Variants in ODAD1 observed in about 807,000 individuals in gnomAD.
ODAD1 encodes outer dynein arm docking complex subunit 1.
Under a neutral mutation model 67.2 loss-of-function variants are expected in ODAD1, and 49 were observed. That is an observed-to-expected ratio of 0.73 (90% CI 0.58 to 0.92). The LOEUF is 0.92. Among genes scored for constraint, ODAD1 ranks in the 40% least tolerant of loss-of-function variants. The pLI, the probability that ODAD1 is intolerant of heterozygous loss-of-function variation, is 0.00. For missense variants in ODAD1, 897 were observed against 953.7 expected, an observed-to-expected ratio of 0.94 and a Z score of 0.78; for synonymous variants, 345 against 393.7, an observed-to-expected ratio of 0.88 and a Z score of 1.46.
intron 12 of ODAD1, among the ~76,000 whole-genome samples, chr19:48,299,732 G>C (rs1968408353): frequency 6.6e-6 from 1 of 152,048 alleles, no homozygotes; most frequent in African/African-American, 2.4e-5. Context: ...AACCAGGAGG[G>C]GGAGATTGCA....
chr19:48,306,138 G>A, intron 8 of ODAD1, 118 bp downstream of exon 8: 2 of 1,432,716 alleles, frequency 1.4e-6, no homozygotes, highest in South Asian at 2.8e-5. Context: ...GATATTATGG[G>A]AGAAAAAATA....
chr19:48,309,833 G>C (rs1046366685), intron 7 of ODAD1, among the ~76,000 whole-genome samples: 2 of 152,168 alleles, frequency 1.3e-5, no homozygotes, highest in Admixed American at 1.3e-4. Context: ...CTAGTCATGG[G>C]ACAAGTTGAC....
Position 48,318,743 on chromosome 19 carries a change from T to C in ODAD1, c.140A>G (p.Lys47Arg). ...VMEGERRAYS[K>R]EVHQRINKQL... ...CTTGTTGATGCGCTGGTGGACTTCC[T>C]TGCTGTAGGCCCGCCTCTCCCCTTC... The change falls in exon 4 of 16, where the codon AAG becomes AGG. Residue 47 changes from lysine to arginine, a missense_variant. Lys to Arg is a conservative substitution (Grantham distance 26). Transcript: ENST00000674294. 1 of 1,551,270 alleles carries C rather than the reference T, an allele frequency of 6.4e-7. No homozygotes were observed. Among genetic ancestry groups the C allele is most frequent in the Non-Finnish European group, 8.7e-7 (1 of 1,146,716 alleles).
chr19:48,320,224 C>A, intron 3 of ODAD1, 75 bp downstream of exon 3: 1 of 1,015,592 alleles, frequency 9.8e-7, no homozygotes. Flanking sequence ...CCCTCCCTCC[C>A]TACAGGACCT....
rs138256591 is a variant in ODAD1 at position 48,304,008 on chromosome 19, G to C, written c.798C>G (p.Leu266=). The C allele has an allele frequency of 1.9e-6, 3 of 1,614,110 alleles. No homozygotes were observed. The highest frequency in any genetic ancestry group is 2.5e-6 in the Non-Finnish European group (3 of 1,180,042). ...HLEQLHHFLK[L]KNNDRQPDPD... ...GATCCGGCTGCCGGTCGTTGTTCTT[G>C]AGCTTGAGGAAGTGGTGCAGCTGCT... Residue 266 remains leucine (L), a synonymous_variant, in exon 9 of 16, where the codon CTC becomes CTG. Transcript: ENST00000674294.
chr19:48,303,928 G>A (rs757192666), intron 9 of ODAD1, 25 bp downstream of exon 9: 1 of 1,606,898 alleles, frequency 6.2e-7, no homozygotes, highest in Non-Finnish European at 8.5e-7. Flanking sequence ...CCCTTGAGAT[G>A]CAAAGGCAGC....
chr19:48,310,042 C>T (rs1968715617), intron 7 of ODAD1, among the ~76,000 whole-genome samples: 1 of 152,014 alleles, frequency 6.6e-6, no homozygotes, highest in Admixed American at 6.6e-5. Flanking sequence ...TGAGATCAGC[C>T]TGACCAACAT....
intron 8 of ODAD1, among the ~76,000 whole-genome samples, chr19:48,305,402 C>CTTT (rs1253680173): frequency 1.4e-5 from 2 of 142,014 alleles, no homozygotes. Flanking sequence ...GCTAGATGCG[C>CTTT]TTTTTTTTTT....
chr19:48,318,837 C>T, intron 3 of ODAD1, 25 bp from the exon 4 acceptor site: 1 of 1,457,108 alleles, frequency 6.9e-7, no homozygotes, highest in Non-Finnish European at 9.4e-7. Flanking sequence ...AGCCAAGGGA[C>T]TCAGCAGGGA....
rs1294704273 is a variant in ODAD1, at chr19:48,303,989, G to GCTGC, written c.813_816dup (p.Pro273AlafsTer11). ...CGCTTCTCCAGGACATCGGGATCCG[G>GCTGC]CTGCCGGTCGTTGTTCTTGAGCTTG... is the stretch of plus-strand genomic sequence containing the variant. On this transcript the variant is annotated frameshift_variant, in exon 9 of 16. Transcript: ENST00000674294. LOFTEE classifies it high-confidence loss of function. 6 of 1,614,216 alleles carry GCTGC rather than the reference G, an allele frequency of 3.7e-6. No homozygotes were observed. In the East Asian group the frequency reaches 1.3e-4, roughly 36 times the overall value.
At chr19:48,302,886 G>A in intron 11 of ODAD1, 24 bp from the exon 12 acceptor site, 1 of 1,613,112 alleles carries the variant, frequency 6.2e-7, no homozygotes, top group Non-Finnish European at 8.5e-7. Flanking sequence ...GCTGAATGCT[G>A]GGCCAGATGG....
At chr19:48,301,712 A>G (rs1489762300) in intron 12 of ODAD1, among the ~76,000 whole-genome samples, 7 of 151,998 alleles carry the variant, frequency 4.6e-5, no homozygotes, top group South Asian at 4.2e-4. Flanking sequence ...TGGACATGGG[A>G]CAGATGGAGG....
chr19:48,321,219 C>T (rs141159337), intron 1 of ODAD1, among the ~76,000 whole-genome samples: 4,929 of 152,310 alleles, frequency 0.032, 104 homozygotes, highest in Middle Eastern at 0.078. Context: ...GCCTGGGCGA[C>T]AGAGCGAGAC....
chr19:48,311,564 T>C lies in ODAD1; in HGVS notation c.586A>G (p.Lys196Glu). 6.5e-7 allele frequency: 1 copy of C among 1,547,844 alleles called. No individual in the cohort carries two copies. Among genetic ancestry groups the C allele is most frequent in the Non-Finnish European group, 8.7e-7 (1 of 1,143,734 alleles). ...TCAGGGCCACTGACCTTCTTCAGCTTGCGGTCCACGTTCAGATAGCGGTTC... is the reference window on the plus strand; with the variant it reads ...TCAGGGCCACTGACCTTCTTCAGCTCGCGGTCCACGTTCAGATAGCGGTTC... The part of the protein sequence containing the change: ...DRNRYLNVDR[K>E]LKKEIHHLHH... Residue 196 changes from lysine (K) to glutamate (E), a missense_variant, in exon 7 of 16, where the codon AAG (lysine) becomes GAG (glutamate). Lys to Glu is a moderately conservative substitution (Grantham distance 56). Coordinates refer to ENST00000674294, the MANE Select transcript of ODAD1 (RefSeq NM_001364171.2).
chr19:48,298,355 G>A lies in ODAD1; in HGVS notation c.1241-15C>T, dbSNP rs369830434. Reference sequence around the variant, plus strand: ...GAGCTGGATATCTGCGTCATGGAGGGCCGGTTGTCAGGGATCTGGCACCGC... The same window carrying A: ...GAGCTGGATATCTGCGTCATGGAGGACCGGTTGTCAGGGATCTGGCACCGC... On this transcript the variant is annotated splice_polypyrimidine_tract_variant and intron_variant, in intron 12 of 15. Transcript: ENST00000674294. 5.6e-6 allele frequency: 9 copies of A among 1,613,098 alleles called. No individual in the cohort carries two copies. Among genetic ancestry groups the A allele is most frequent in the Non-Finnish European group, 7.6e-6 (9 of 1,179,490 alleles).
At chr19:48,318,969 C>T (rs781547689) in intron 3 of ODAD1, among the ~76,000 whole-genome samples, 157 bp from the exon 4 acceptor site, 2 of 152,092 alleles carry the variant, frequency 1.3e-5, no homozygotes, top group African/African-American at 4.8e-5. Flanking sequence ...ACCTCAGTTC[C>T]GGGATCCCTC....
At position 48,318,658 on chromosome 19, in the gene ODAD1, C is replaced by T. The variant is rs1038080519; in HGVS notation, c.170+55G>A. The T allele has an allele frequency of 1.5e-5, 23 of 1,534,304 alleles. No homozygotes were observed. The Admixed American group carries it at 4.3e-4, about 29-fold the overall frequency. ...TAAAGGCAGGACCCAGGAGTCCAGT[C>T]TTCAGCCCCTCTGACCCCCTCCTCC... On this transcript the variant is annotated intron_variant, in intron 4 of 15. Transcript: ENST00000674294.
intron 3 of ODAD1, 142 bp from the exon 4 acceptor site, chr19:48,318,954 A>G: frequency 1.6e-6 from 1 of 615,212 alleles, no homozygotes; most frequent in Non-Finnish European, 2.9e-6. Flanking sequence ...CCCCTCTAGG[A>G]ATGCACCTCA....
intron 12 of ODAD1, among the ~76,000 whole-genome samples, chr19:48,301,836 T>C (rs1968470810): frequency 6.7e-6 from 1 of 148,268 alleles, no homozygotes; most frequent in Admixed American, 6.7e-5. Context: ...GATGGATGGA[T>C]GGATGGATGG....
Sources: gnomAD v4.1 joint callset for allele counts (sites outside exome capture counted in the v4.1 genomes callset) on GRCh38, gnomAD v4.1.1 for gene constraint, MANE v1.5 for transcripts, NCBI Gene and HGNC (gene_info 2026-07-23, HGNC 2026-07-21) for gene names.